Variants in RGS6 observed in about 807,000 individuals in gnomAD.
The protein encoded by RGS6 is regulator of G-protein signaling 6.
RGS6 carries 30 observed loss-of-function variants against 78.5 expected under a neutral mutation model. That is an observed-to-expected ratio of 0.38 (90% CI 0.29 to 0.52). RGS6 has a LOEUF of 0.52. Ranked by LOEUF, RGS6 falls within the 20% of genes least tolerant of loss-of-function variation. The pLI is 0.85. For missense variants in RGS6, 495 were observed against 609.7 expected, an observed-to-expected ratio of 0.81 and a Z score of 1.98; for synonymous variants, 206 against 206.0, an observed-to-expected ratio of 1.00 and a Z score of 0.00.
chr14:72,113,936 T>C (rs941136494), intron 2 of RGS6, among the ~76,000 whole-genome samples: 1 of 152,108 alleles, frequency 6.6e-6, no homozygotes, highest in Non-Finnish European at 1.5e-5. Context: ...CATGAAAAAA[T>C]TGTATTATCA....
At chr14:72,323,754 C>T (rs1398498095) in intron 2 of RGS6, among the ~76,000 whole-genome samples, 6 of 120,194 alleles carry the variant, frequency 5.0e-5, no homozygotes, top group African/African-American at 9.5e-5. Flanking sequence ...GTGAGCCCAG[C>T]GGCGCCACTG....
chr14:72,375,957 A>T (rs542821559), intron 3 of RGS6, among the ~76,000 whole-genome samples: 34 of 152,296 alleles, frequency 2.2e-4, no homozygotes, highest in Non-Finnish European at 4.6e-4. Context: ...CACAATAAAC[A>T]TGAAAAAGCA....
At chr14:72,120,472 A>G (rs2096019238) in intron 2 of RGS6, among the ~76,000 whole-genome samples, 1 of 152,214 alleles carries the variant, frequency 6.6e-6, no homozygotes, top group African/African-American at 2.4e-5. Flanking sequence ...CGTTTTAAAG[A>G]TGAGTAACTC....
At chr14:72,031,991 C>T (rs549691470) in intron 2 of RGS6, among the ~76,000 whole-genome samples, 2 of 152,268 alleles carry the variant, frequency 1.3e-5, no homozygotes, top group East Asian at 3.9e-4. Flanking sequence ...CCACACTGCT[C>T]CTTTTCTGGG....
chr14:72,077,642 G>C (rs1163838478), intron 2 of RGS6, among the ~76,000 whole-genome samples: 1 of 151,334 alleles, frequency 6.6e-6, no homozygotes. Context: ...TTTTTTTTGT[G>C]CCTGTTCCTT....
At chr14:72,411,921 C>T (rs372114901) in intron 3 of RGS6, among the ~76,000 whole-genome samples, 2 of 152,174 alleles carry the variant, frequency 1.3e-5, no homozygotes, top group South Asian at 2.1e-4. Flanking sequence ...TGAAGCCCAC[C>T]TGATCATGGT....
At chr14:71,929,764 A>G (rs1027903274), upstream of RGS6, among the ~76,000 whole-genome samples, 3 of 152,184 alleles carry the variant, frequency 2.0e-5, no homozygotes, top group Non-Finnish European at 4.4e-5. Flanking sequence ...TTCATTTATT[A>G]GTCGCATTCT....
chr14:72,386,304 G>A (rs147566443), intron 3 of RGS6, among the ~76,000 whole-genome samples: 108 of 152,314 alleles, frequency 7.1e-4, no homozygotes, highest in African/African-American at 2.5e-3. Flanking sequence ...TTGGGAGGCT[G>A]AGGCGGGCAG....
At chr14:72,251,213 A>G (rs969769656) in intron 2 of RGS6, among the ~76,000 whole-genome samples, 2 of 152,224 alleles carry the variant, frequency 1.3e-5, no homozygotes, top group Admixed American at 1.3e-4. Flanking sequence ...TTATGCAGAT[A>G]AAGTTTCTTG....
At chr14:72,095,109 C>A (rs1168264045) in intron 2 of RGS6, among the ~76,000 whole-genome samples, 1 of 151,886 alleles carries the variant, frequency 6.6e-6, no homozygotes, top group Non-Finnish European at 1.5e-5. Context: ...TGAAAATGTA[C>A]CTCCGCATCA....
At chr14:72,346,249 A>G (rs2078022882) in intron 2 of RGS6, among the ~76,000 whole-genome samples, 1 of 152,228 alleles carries the variant, frequency 6.6e-6, no homozygotes, top group Admixed American at 6.5e-5. Flanking sequence ...CCACTGGGGA[A>G]AAATTGAAGG....
the RGS6 span, among the ~76,000 whole-genome samples, chr14:71,914,594 G>A: frequency 2.0e-5 from 3 of 151,972 alleles, no homozygotes; most frequent in Admixed American, 6.6e-5. Flanking sequence ...AGTAATTCAT[G>A]ATTTACCAGT....
intron 1 of RGS6, among the ~76,000 whole-genome samples, chr14:71,948,736 C>CTT (rs1566889959): frequency 3.7e-5 from 2 of 53,884 alleles, no homozygotes; most frequent in Non-Finnish European, 6.7e-5. Flanking sequence ...TTCTCTCTCT[C>CTT]TCTCTTTTTT....
intron 2 of RGS6, among the ~76,000 whole-genome samples, chr14:72,021,882 A>G (rs973984626): frequency 6.6e-6 from 1 of 151,920 alleles, no homozygotes; most frequent in Non-Finnish European, 1.5e-5. Context: ...AGCCAGGTGT[A>G]TTAAGCCTAG....
At chr14:72,313,548 A>G (rs909843056) in intron 2 of RGS6, among the ~76,000 whole-genome samples, 1 of 152,070 alleles carries the variant, frequency 6.6e-6, no homozygotes, top group Non-Finnish European at 1.5e-5. Flanking sequence ...TCCCCTTATG[A>G]TCGTTCCTTC....
intron 1 of RGS6, among the ~76,000 whole-genome samples, chr14:71,954,212 A>C (rs975619392): frequency 6.6e-6 from 1 of 151,542 alleles, no homozygotes; most frequent in Non-Finnish European, 1.5e-5. Flanking sequence ...GATTTATTGT[A>C]TGTCATTAAT....
intron 2 of RGS6, among the ~76,000 whole-genome samples, chr14:72,043,854 C>T (rs1194278871): frequency 6.6e-6 from 1 of 152,160 alleles, no homozygotes; most frequent in Non-Finnish European, 1.5e-5. Flanking sequence ...TTCAGTTACA[C>T]ACATGTCGCA....
At chr14:72,393,349 A>G (rs2090445610) in intron 3 of RGS6, among the ~76,000 whole-genome samples, 1 of 152,200 alleles carries the variant, frequency 6.6e-6, no homozygotes, top group East Asian at 1.9e-4. Context: ...AATCACATGC[A>G]AAGCTTTATA....
intron 17 of RGS6, chr14:72,540,634 G>A (rs2097312427): frequency 2.8e-6 from 4 of 1,435,132 alleles, no homozygotes; most frequent in Non-Finnish European, 2.8e-6. Context: ...ATGTGGCCTA[G>A]CTGGCGTGTG....
Sources: allele counts gnomAD v4.1 joint callset (sites outside exome capture counted in the v4.1 genomes callset), GRCh38; gene constraint gnomAD v4.1.1; transcripts MANE v1.5; gene names NCBI Gene and HGNC (gene_info 2026-07-23, HGNC 2026-07-21).